AGXT2: variants seen among roughly 807,000 people sequenced by gnomAD.
AGXT2 encodes the protein alanine--glyoxylate aminotransferase 2.
Under a neutral mutation model 62.5 loss-of-function variants are expected in AGXT2, and 61 were observed. The observed-to-expected ratio is 0.98, with a 90% CI of 0.79 to 1.21. AGXT2 has a LOEUF of 1.21. AGXT2 is among the 50% of genes most tolerant of loss of function. The pLI, the probability that AGXT2 is intolerant of heterozygous loss-of-function variation, is 0.00. For missense variants in AGXT2, 666 were observed against 641.5 expected (o/e 1.04, Z -0.41); for synonymous variants, 243 against 218.7 (o/e 1.11, Z -0.98).
chr5:35,027,322 TA>T (rs1767395295), intron 7 of AGXT2, among the ~76,000 whole-genome samples: 1 of 152,214 alleles, frequency 6.6e-6, no homozygotes, highest in South Asian at 2.1e-4. Flanking sequence ...GAGATCTTTC[TA>T]ATGGGGAAAA....
intron 12 of AGXT2, among the ~76,000 whole-genome samples, chr5:35,007,886 C>T (rs1766492233): frequency 6.6e-6 from 1 of 152,086 alleles, no homozygotes; most frequent in Non-Finnish European, 1.5e-5. Flanking sequence ...AGTTGTCACT[C>T]CATTAGTTCC....
chr5:35,002,965 T>C (rs1268462955), intron 13 of AGXT2, among the ~76,000 whole-genome samples: 1 of 152,126 alleles, frequency 6.6e-6, no homozygotes, highest in Non-Finnish European at 1.5e-5. Context: ...ATGTTTAAAA[T>C]GGGAAAGAAA....
At chr5:35,046,873 G>A (rs1229395897) in intron 1 of AGXT2, among the ~76,000 whole-genome samples, 1 of 152,164 alleles carries the variant, frequency 6.6e-6, no homozygotes, top group Non-Finnish European at 1.5e-5. Flanking sequence ...TTGCTGAGGA[G>A]GAGGTGAGGC....
chr5:35,014,060 G>C lies in AGXT2; in HGVS notation c.1023C>G (p.Val341=). The C allele has an allele frequency of 6.2e-7, 1 of 1,614,116 alleles. No homozygotes were observed. Among genetic ancestry groups the C allele is most frequent in the East Asian group, 2.2e-5 (1 of 44,876 alleles). The change falls in exon 10 of 14, where the codon GTC becomes GTG. Residue 341 remains valine (V), a synonymous_variant. Transcript: ENST00000231420. The part of the protein sequence containing the change: ...SHFWGFQTHD[V]LPDIVTMAKG... ...TAGCCATGGTGACAATGTCAGGCAG[G>C]ACATCGTGGGTTTGGAAGCCCCAGA...
chr5:35,015,742 T>G (rs1766826920), intron 9 of AGXT2, among the ~76,000 whole-genome samples: 1 of 146,588 alleles, frequency 6.8e-6, no homozygotes, highest in Non-Finnish European at 1.5e-5. Context: ...CCCAGCTACC[T>G]GGGAGGTTGA....
chr5:35,044,737 C>T (rs1299125064), intron 1 of AGXT2, among the ~76,000 whole-genome samples: 1 of 152,034 alleles, frequency 6.6e-6, no homozygotes. Context: ...CAAGCAAGAG[C>T]ACTCCTCGAT....
intron 9 of AGXT2, among the ~76,000 whole-genome samples, chr5:35,017,969 A>C (rs1055677326): frequency 5.9e-5 from 9 of 152,346 alleles, no homozygotes; most frequent in Middle Eastern, 3.4e-3. Flanking sequence ...AAGAAAGGGT[A>C]TCAGCGATGG....
At chr5:35,038,634 C>T (rs892313936) in intron 3 of AGXT2, among the ~76,000 whole-genome samples, 1 of 152,164 alleles carries the variant, frequency 6.6e-6, no homozygotes, top group Non-Finnish European at 1.5e-5. Context: ...GGGCCCACAT[C>T]TATTCAGTTT....
At chr5:35,017,891 G>C (rs1766908922) in intron 9 of AGXT2, among the ~76,000 whole-genome samples, 2 of 152,198 alleles carry the variant, frequency 1.3e-5, no homozygotes, top group South Asian at 4.1e-4. Context: ...AGCTGATGGA[G>C]CTGAAAACCA....
intron 11 of AGXT2, chr5:35,012,503 G>C (rs1274456366): frequency 1.4e-5 from 3 of 207,376 alleles, no homozygotes; most frequent in Non-Finnish European, 9.9e-6. Flanking sequence ...TAAATCAATG[G>C]TGTAGGGGTG....
At chr5:35,023,748 G>A (rs1212904728) in intron 9 of AGXT2, among the ~76,000 whole-genome samples, 1 of 152,210 alleles carries the variant, frequency 6.6e-6, no homozygotes, top group Non-Finnish European at 1.5e-5. Context: ...GGCCCAAGTT[G>A]CCTGTGGTAC....
At chr5:35,045,351 C>T (rs529490982) in intron 1 of AGXT2, among the ~76,000 whole-genome samples, 1 of 152,300 alleles carries the variant, frequency 6.6e-6, no homozygotes, top group South Asian at 2.1e-4. Context: ...TTATATTTTT[C>T]TATTCCCTTT....
Position 35,014,194 on chromosome 5 carries a change from C to T in AGXT2, c.964-75G>A, listed in dbSNP as rs12516082. 2.6e-3 allele frequency: 4,114 copies of T among 1,595,916 alleles called. 129 individuals are homozygous for T. In the Admixed American group the frequency reaches 0.061, roughly 24 times the overall value. On this transcript the variant is annotated intron_variant, in intron 9 of 13. Transcript: ENST00000231420. ...TTCGACAGGGCGCGGTGGCTCACAC[C>T]TGTAATCCCAGCACTTTAGGAGGCT...
chr5:34,999,164 T>C (rs1766137824), intron 13 of AGXT2, among the ~76,000 whole-genome samples: 2 of 152,170 alleles, frequency 1.3e-5, no homozygotes, highest in Admixed American at 1.3e-4. Flanking sequence ...GCAAACTCAC[T>C]TCTCACTGCC....
At position 35,039,409 on chromosome 5, in the gene AGXT2, T is replaced by G. The variant is rs779864214; in HGVS notation, c.277A>C (p.Met93Leu). 6.2e-7 allele frequency: 1 copy of G among 1,614,156 alleles called. No individual in the cohort carries two copies. The highest frequency in any genetic ancestry group is 1.7e-5 in the Admixed American group (1 of 60,028). ...QKPLLLHQGHMEWLFDAEGSR... is the reference protein window; with the variant it reads ...QKPLLLHQGHLEWLFDAEGSR... ...CCTTCAGCATCAAAGAGCCACTCCA[T>G]GTGCCCCTGGTGGAGCAGCAGGGGT... The change falls in exon 3 of 14, where the codon ATG becomes CTG. Residue 93 changes from methionine to leucine, a missense_variant. Transcript: ENST00000231420.
At chr5:35,034,999 AGCTGGTCGT>A (rs1767707917) in intron 5 of AGXT2, among the ~76,000 whole-genome samples, 2 of 152,188 alleles carry the variant, frequency 1.3e-5, no homozygotes, top group African/African-American at 4.8e-5. Context: ...GAGGACTTCA[AGCTGGTCGT>A]GACCAGTTGG....
At chr5:35,028,290 A>G (rs1005180798) in intron 7 of AGXT2, among the ~76,000 whole-genome samples, 2 of 152,124 alleles carry the variant, frequency 1.3e-5, no homozygotes, top group African/African-American at 4.8e-5. Flanking sequence ...CCAGGCTATC[A>G]TGTTACCAGT....
rs1423628357 is a variant in AGXT2, at chr5:34,998,250, C to A, written c.*469G>T. On this transcript the variant is annotated 3_prime_UTR_variant, in exon 14 of 14. Transcript: ENST00000231420. ...TCACCAAAAAGGGTTGTCCTCATGACTACAAGCCGGCTGACATGGTGCCAG... is the reference window on the plus strand; with the variant it reads ...TCACCAAAAAGGGTTGTCCTCATGAATACAAGCCGGCTGACATGGTGCCAG... The A allele has an allele frequency of 5.2e-6, 1 of 192,836 alleles. No homozygotes were observed. The highest frequency in any genetic ancestry group is 1.1e-5 in the Non-Finnish European group (1 of 92,900). 11.9% of individuals were successfully genotyped at this position (192,836 alleles called of 1,614,324 possible).
intron 7 of AGXT2, among the ~76,000 whole-genome samples, chr5:35,028,198 C>T (rs1767431755): frequency 1.3e-5 from 2 of 152,036 alleles, no homozygotes; most frequent in African/African-American, 4.8e-5. Context: ...TCTGAGAATT[C>T]GTGCTTTCTT....
Sources: gnomAD v4.1 joint callset for allele counts (sites outside exome capture counted in the v4.1 genomes callset) on GRCh38, gnomAD v4.1.1 for gene constraint, MANE v1.5 for transcripts, NCBI Gene and HGNC (gene_info 2026-07-23, HGNC 2026-07-21) for gene names.